The following SLC13A5 variants were observed in gnomAD, a reference collection of about 807,000 sequenced individuals.
SLC13A5 encodes Na(+)/citrate cotransporter.
A neutral mutation model predicts 56.5 loss-of-function variants in SLC13A5; 25 were observed. That is an observed-to-expected ratio of 0.44 (90% confidence interval 0.32 to 0.62). The LOEUF is 0.62. Ranked by LOEUF, SLC13A5 falls within the 20% of genes least tolerant of loss-of-function variation. The pLI is 0.04. For missense variants in SLC13A5, 649 were observed against 737.8 expected (o/e 0.88, Z 1.39); for synonymous variants, 307 against 301.5 (o/e 1.02, Z -0.19).
In SLC13A5 at chr17:6,687,782, C is replaced by A; in HGVS notation, c.1438-116G>T. ...TACGTTTGAACCTCTGTGCCTCAGT[C>A]TTGGTTCCTCTCCCTTTTGCCACGT... On this transcript the variant is annotated intron_variant, in intron 10 of 11. Transcript: ENST00000433363. This position sits in a 1 kb window ranked among gnomAD's most constrained non-coding sequence, Gnocchi z 5.0. 6.3e-6 allele frequency: 8 copies of A among 1,279,412 alleles called. No homozygotes were observed. The highest frequency in any genetic ancestry group is 8.2e-6 in the Non-Finnish European group (8 of 973,292). 79.3% of individuals were successfully genotyped at this position (1,279,412 alleles called of 1,614,324 possible). A position where few individuals can be genotyped will look rare whatever the true frequency, so the allele number is the denominator to read the frequency against.
chr17:6,687,832 G>C lies in SLC13A5; in HGVS notation c.1438-166C>G, dbSNP rs1973292014. On this transcript the variant is annotated intron_variant, in intron 10 of 11. Coordinates refer to ENST00000433363, the MANE Select transcript of SLC13A5 (RefSeq NM_177550.5). This position sits in a 1 kb window ranked among gnomAD's most constrained non-coding sequence, Gnocchi z 5.0. Reference sequence around the variant, plus strand: ...TCTCTGGCAGATAATTCCACCTACGGAACACTGAAGGCTGAGGTCAGAGGC... The same window carrying C: ...TCTCTGGCAGATAATTCCACCTACGCAACACTGAAGGCTGAGGTCAGAGGC... 4 of 814,508 alleles carry C rather than the reference G, an allele frequency of 4.9e-6. No individual in the cohort carries two copies. The East Asian group carries it at 1.3e-4, about 26-fold the overall frequency. 50.5% of individuals were successfully genotyped at this position (814,508 alleles called of 1,614,324 possible). A position where few individuals can be genotyped will look rare whatever the true frequency, so the allele number is the denominator to read the frequency against.
In SLC13A5 at chr17:6,711,605, CGTGTGTTTTTGT is replaced by C. The variant is rs1168875983; in HGVS notation, c.102+1615_102+1626del. ...TTGTGTGTTTGGGTGTGTGTTTGTGCGTGTGTTTTTGTGTGTGTTTGTGTTTGTGCGTGTGTT... is the reference window on the plus strand; with the variant it reads ...TTGTGTGTTTGGGTGTGTGTTTGTGCGTGTGTTTGTGTTTGTGCGTGTGTT... On this transcript the variant is annotated intron_variant, in intron 1 of 11. Transcript: ENST00000433363. This position sits in a 1 kb window ranked among gnomAD's most constrained non-coding sequence, Gnocchi z 4.0. 7.1e-6 allele frequency among the ~76,000 whole-genome samples: 1 copy of C among 141,662 alleles called. No homozygotes were observed. The highest frequency in any genetic ancestry group is 1.5e-5 in the Non-Finnish European group (1 of 64,882). The allele number at this position is 141,662 out of a possible 152,430, so 92.9% of individuals were successfully genotyped here. A position where few individuals can be genotyped will look rare whatever the true frequency, so the allele number is the denominator to read the frequency against.
At chr17:6,695,458 G>A (rs1212476384) in intron 7 of SLC13A5, 7 of 385,196 alleles carry the variant, frequency 1.8e-5, no homozygotes, top group Non-Finnish European at 3.4e-5. Flanking sequence ...GGCACGATCT[G>A]GGCTCACTGC....
At chr17:6,700,607 G>A (rs535778225) in intron 6 of SLC13A5, among the ~76,000 whole-genome samples, 1 of 152,268 alleles carries the variant, frequency 6.6e-6, no homozygotes, top group South Asian at 2.1e-4. Flanking sequence ...GGAGCTGTGC[G>A]GGGTGCCCAG....
At chr17:6,704,440 T>G in intron 3 of SLC13A5, 1 of 359,890 alleles carries the variant, frequency 2.8e-6, no homozygotes, top group Non-Finnish European at 5.5e-6. Context: ...TGTGCTGGAA[T>G]ACCCCTATGT....
rs994641093 is a variant in SLC13A5 at position 6,685,424 on chromosome 17, G to C, written c.*783C>G. 3.3e-5 allele frequency: 5 copies of C among 152,406 alleles called. No homozygotes were observed. The highest frequency in any genetic ancestry group is 1.2e-4 in the African/African-American group (5 of 41,578). The allele number at this position is 152,406 out of a possible 1,614,324, so 9.4% of individuals were successfully genotyped here. ...AGAGGGTGCCAGCCAAGGCGTCTCG[G>C]CAAATGTTGACCCAGACAACAGGGG... On this transcript the variant is annotated 3_prime_UTR_variant, in exon 12 of 12. Transcript: ENST00000433363. This position sits in a 1 kb window ranked among gnomAD's most constrained non-coding sequence, Gnocchi z 4.2.
Position 6,686,069 on chromosome 17 carries a change from A to C in SLC13A5, c.*138T>G. The stretch of plus-strand genomic sequence containing the variant: ...CTGGGCTTGGAGGAAGAGGTGGCCC[A>C]TTGGCTGGGTTTTGGTGGTGTGTGG... On this transcript the variant is annotated 3_prime_UTR_variant, in exon 12 of 12. Transcript: ENST00000433363. 1 of 1,263,694 alleles carries C rather than the reference A, an allele frequency of 7.9e-7. No homozygotes were observed. The highest frequency in any genetic ancestry group is 1.1e-6 in the Non-Finnish European group (1 of 905,234). 78.3% of individuals were successfully genotyped at this position (1,263,694 alleles called of 1,614,324 possible).
rs1340938337 is a variant in SLC13A5, at chr17:6,687,196, C to G, written c.1575+333G>C. On this transcript the variant is annotated intron_variant, in intron 11 of 11. Coordinates refer to ENST00000433363, the MANE Select transcript of SLC13A5 (RefSeq NM_177550.5). The surrounding 1 kb of genome is among the most constrained non-coding windows in gnomAD (Gnocchi z 5.0). Reference sequence around the variant, plus strand: ...GCCTGCCCTGCCTATCTTCATGGTTCTTGCTAATTTGTCAAGTTCATCCTT... The same window carrying G: ...GCCTGCCCTGCCTATCTTCATGGTTGTTGCTAATTTGTCAAGTTCATCCTT... 2 of 285,666 alleles carry G rather than the reference C, an allele frequency of 7.0e-6. No homozygotes were observed. Among genetic ancestry groups the G allele is most frequent in the African/African-American group, 4.6e-5 (2 of 43,636 alleles). The allele number at this position is 285,666 out of a possible 1,614,324, so 17.7% of individuals were successfully genotyped here. A position where few individuals can be genotyped will look rare whatever the true frequency, so the allele number is the denominator to read the frequency against.
chr17:6,713,169 C>T lies in SLC13A5; in HGVS notation c.102+63G>A. The T allele has an allele frequency of 1.3e-6, 2 of 1,526,752 alleles. No individual in the cohort carries two copies. The highest frequency in any genetic ancestry group is 1.8e-6 in the Non-Finnish European group (2 of 1,110,998). The allele number at this position is 1,526,752 out of a possible 1,614,324, so 94.6% of individuals were successfully genotyped here. Reference sequence around the variant, plus strand: ...CGCTCCAGCTCAGGGCTCCCGGGATCGGTGCCCGTTAGTGGGCACAGGACG... The same window carrying T: ...CGCTCCAGCTCAGGGCTCCCGGGATTGGTGCCCGTTAGTGGGCACAGGACG... On this transcript the variant is annotated intron_variant, in intron 1 of 11. Coordinates refer to ENST00000433363, the MANE Select transcript of SLC13A5 (RefSeq NM_177550.5). The surrounding 1 kb of genome is among the most constrained non-coding windows in gnomAD (Gnocchi z 7.3).
Position 6,687,354 on chromosome 17 carries a change from C to A in SLC13A5, c.1575+175G>T. ...CAGTGTGTGAGGCTTGAGATCATCT[C>A]AGAAAAAGAAGAAAAGCTGCATTAT... is the stretch of plus-strand genomic sequence containing the variant. On this transcript the variant is annotated intron_variant, in intron 11 of 11. Coordinates refer to ENST00000433363, the MANE Select transcript of SLC13A5 (RefSeq NM_177550.5). This position sits in a 1 kb window ranked among gnomAD's most constrained non-coding sequence, Gnocchi z 5.0. 1 of 853,858 alleles carries A rather than the reference C, an allele frequency of 1.2e-6. No individual in the cohort carries two copies. The highest frequency in any genetic ancestry group is 1.7e-5 in the South Asian group (1 of 58,100). 52.9% of individuals were successfully genotyped at this position (853,858 alleles called of 1,614,324 possible).
Position 6,690,939 on chromosome 17 carries a change from G to A in SLC13A5, c.1277C>T (p.Ala426Val), listed in dbSNP as rs1397482945. 1.1e-5 allele frequency: 17 copies of A among 1,601,770 alleles called. No individual in the cohort carries two copies. Among genetic ancestry groups the A allele is most frequent in the Non-Finnish European group, 1.5e-5 (17 of 1,172,350 alleles). The stretch of plus-strand genomic sequence containing the variant: ...CCCCATCCACACGGACAGCCCCGAG[G>A]CCTGGGAAGCACCAGGAGGGCAGTC... Reference protein sequence around the residue: ...GGFALAKGSEASGLSVWMGKQ... With the variant: ...GGFALAKGSEVSGLSVWMGKQ... The change falls in exon 10 of 12, where the codon GCC becomes GTC. Residue 426 changes from alanine to valine, a missense_variant and splice_region_variant. Ala to Val is a moderately conservative substitution (Grantham distance 64). Coordinates refer to ENST00000433363, the MANE Select transcript of SLC13A5 (RefSeq NM_177550.5).
intron 6 of SLC13A5, among the ~76,000 whole-genome samples, chr17:6,700,280 C>T (rs1204557815): frequency 2.0e-5 from 3 of 152,230 alleles, no homozygotes; most frequent in Non-Finnish European, 2.9e-5. Flanking sequence ...CCCTGATGAA[C>T]TTGCCTGTGT....
chr17:6,686,042 A>G lies in SLC13A5; in HGVS notation c.*165T>C, dbSNP rs907918903. The G allele has an allele frequency of 1.7e-4, 163 of 965,530 alleles. No individual in the cohort carries two copies. The African/African-American group carries it at 2.3e-3, about 13-fold the overall frequency. 59.8% of individuals were successfully genotyped at this position (965,530 alleles called of 1,614,324 possible). On this transcript the variant is annotated 3_prime_UTR_variant, in exon 12 of 12. Transcript: ENST00000433363. ...TCCAGCTGCCCATGACCATCTCTGC[A>G]TCTGGGCTTGGAGGAAGAGGTGGCC...
At chr17:6,704,364 C>A in intron 3 of SLC13A5, 1 of 498,562 alleles carries the variant, frequency 2.0e-6, no homozygotes, top group South Asian at 1.7e-5. Flanking sequence ...CACCCCTGCC[C>A]CACCATCTAG....
chr17:6,693,469 C>T (rs1973472645), intron 8 of SLC13A5: 1 of 221,256 alleles, frequency 4.5e-6, no homozygotes, highest in African/African-American at 2.3e-5. Flanking sequence ...TATTCTATCA[C>T]CCCAGCAATA....
At chr17:6,694,060 A>T in intron 8 of SLC13A5, 37 bp downstream of exon 8, 2 of 1,447,426 alleles carry the variant, frequency 1.4e-6, no homozygotes, top group Non-Finnish European at 1.9e-6. Context: ...CCAGGGCTCC[A>T]GTCCTGATGA....
intron 2 of SLC13A5, 73 bp from the exon 3 acceptor site, chr17:6,706,851 T>G: frequency 6.3e-7 from 1 of 1,592,550 alleles, no homozygotes; most frequent in Non-Finnish European, 8.6e-7. Flanking sequence ...CCCCAGATGC[T>G]GACTTCAGGG....
chr17:6,705,903 G>A (rs976753023), intron 3 of SLC13A5, among the ~76,000 whole-genome samples: 5 of 152,202 alleles, frequency 3.3e-5, no homozygotes, highest in Non-Finnish European at 7.3e-5. Flanking sequence ...GTGTCCATGA[G>A]CAAATCACTT....
At position 6,692,732 on chromosome 17, in the gene SLC13A5, A is replaced by C; in HGVS notation, c.1275+312T>G. 2.8e-6 allele frequency: 1 copy of C among 358,468 alleles called. No individual in the cohort carries two copies. The highest frequency in any genetic ancestry group is 5.1e-6 in the Non-Finnish European group (1 of 194,870). The allele number at this position is 358,468 out of a possible 1,614,324, so 22.2% of individuals were successfully genotyped here. A position where few individuals can be genotyped will look rare whatever the true frequency, so the allele number is the denominator to read the frequency against. On this transcript the variant is annotated intron_variant, in intron 9 of 11. Coordinates refer to ENST00000433363, the MANE Select transcript of SLC13A5 (RefSeq NM_177550.5). The surrounding 1 kb of genome is among the most constrained non-coding windows in gnomAD (Gnocchi z 5.5). ...GATTGGAAAGAAAGATTTCCCTCAG[A>C]CAAATCAAAGCAGAGATTATTGTGA... is the stretch of plus-strand genomic sequence containing the variant.
Sources: gnomAD v4.1 joint callset for allele counts (sites outside exome capture counted in the v4.1 genomes callset) on GRCh38, gnomAD v4.1.1 for gene constraint, Gnocchi (gnomAD v3.1) non-coding constraint, MANE v1.5 for transcripts, NCBI Gene and HGNC (gene_info 2026-07-23, HGNC 2026-07-21) for gene names.